DENND5B: variants seen among roughly 807,000 people sequenced by gnomAD.
The protein encoded by DENND5B is DENN domain containing 5B, also known as DENN domain-containing protein 5B.
DENND5B carries 34 observed loss-of-function variants against 140.6 expected under a neutral mutation model. That is an observed-to-expected ratio of 0.24 (90% CI 0.18 to 0.32). The LOEUF (loss-of-function observed/expected upper bound fraction) is 0.32, where lower values mean the gene tolerates loss of function less well. DENND5B is among the 10% of genes least tolerant of loss of function. The pLI is 1.00. For missense variants in DENND5B, 1,142 were observed against 1,560.2 expected, an observed-to-expected ratio of 0.73 and a Z score of 4.52; for synonymous variants, 551 against 562.1, an observed-to-expected ratio of 0.98 and a Z score of 0.28.
chr12:31,557,281 T>G (rs992202537), intron 1 of DENND5B, among the ~76,000 whole-genome samples: 1 of 152,224 alleles, frequency 6.6e-6, no homozygotes, highest in African/African-American at 2.4e-5. Flanking sequence ...ACAGTTGAGT[T>G]GCTGTTCATT....
intron 1 of DENND5B, among the ~76,000 whole-genome samples, chr12:31,584,158 G>A (rs1150961): frequency 0.078 from 11,859 of 152,134 alleles, 1,056 homozygotes; most frequent in African/African-American, 0.22. Flanking sequence ...GGAATTTTAG[G>A]ACAGTCTGTC....
At chr12:31,434,647 TA>T (rs1343124789) in intron 7 of DENND5B, among the ~76,000 whole-genome samples, 4 of 152,188 alleles carry the variant, frequency 2.6e-5, no homozygotes, top group Non-Finnish European at 5.9e-5. Flanking sequence ...CGATTATCCT[TA>T]ATCACTCCTT....
At chr12:31,498,972 C>CAAAAAAAA (rs369875785) in intron 1 of DENND5B, among the ~76,000 whole-genome samples, 1 of 100,486 alleles carries the variant, frequency 1.0e-5, no homozygotes, top group Non-Finnish European at 2.0e-5. Context: ...GGCTCCGTCT[C>CAAAAAAAA]AAAAAAAAAA....
intron 1 of DENND5B, among the ~76,000 whole-genome samples, chr12:31,520,181 A>AT (rs1209888290): frequency 2.0e-5 from 3 of 152,240 alleles, no homozygotes; most frequent in African/African-American, 7.2e-5. Flanking sequence ...AAGAGTTAAT[A>AT]AACACTATCC....
Position 31,479,656 on chromosome 12 carries a change from T to A in DENND5B, c.837A>T (p.Gly279=). 4.5e-6 allele frequency: 7 copies of A among 1,564,216 alleles called. No homozygotes were observed. The highest frequency in any genetic ancestry group is 6.1e-6 in the Non-Finnish European group (7 of 1,156,654). The change falls in exon 3 of 21, where the codon GGA becomes GGT. Residue 279 remains glycine, a synonymous_variant. Coordinates refer to ENST00000389082, the MANE Select transcript of DENND5B (RefSeq NM_144973.4). Reference sequence around the variant, plus strand: ...TAAACACCTGCACCAGGTTCTCTAATCCCAGGAGCTCAAATGCCTCCCGAA... The same window carrying A: ...TAAACACCTGCACCAGGTTCTCTAAACCCAGGAGCTCAAATGCCTCCCGAA... ...YPLREAFELL[G]LENLVQVFTC...
chr12:31,447,888 T>C, intron 5 of DENND5B, 119 bp from the exon 6 acceptor site: 1 of 765,222 alleles, frequency 1.3e-6, no homozygotes, highest in East Asian at 2.7e-5. Context: ...AAACTGACAC[T>C]TGAAATTCAA....
At chr12:31,527,362 G>A (rs1948120873) in intron 1 of DENND5B, among the ~76,000 whole-genome samples, 2 of 152,256 alleles carry the variant, frequency 1.3e-5, no homozygotes, top group African/African-American at 2.4e-5. Context: ...GCAATATAAT[G>A]AGTGAAGAGG....
Position 31,407,131 on chromosome 12 carries a change from T to TTA in DENND5B, c.2803+2131_2803+2132insTA, listed in dbSNP as rs1565548994. Among the ~76,000 whole-genome samples, 11 of 149,324 alleles carry TTA rather than the reference T, an allele frequency of 7.4e-5. No individual in the cohort carries two copies. In the East Asian group the frequency reaches 1.0e-3, roughly 14 times the overall value. Reference sequence around the variant, plus strand: ...ATTTAATTAAATTAATTAATTAATTTATTTATTTATTTATTTTGAGACGGA... The same window carrying TTA: ...ATTTAATTAAATTAATTAATTAATTTTAATTTATTTATTTATTTTGAGACGGA... On this transcript the variant is annotated intron_variant, in intron 14 of 20. Transcript: ENST00000389082.
chr12:31,590,689 C>T lies in DENND5B; in HGVS notation c.127+17G>A. ...CGCCCCTGAGGGGGCTCAGCGCCGC[C>T]GCAGCCCTGGCCTTACCCGCCAGCT... On this transcript the variant is annotated intron_variant, in intron 1 of 20. Transcript: ENST00000389082. The T allele has an allele frequency of 6.1e-6, 9 of 1,464,638 alleles. No individual in the cohort carries two copies. Among genetic ancestry groups the T allele is most frequent in the Non-Finnish European group, 7.2e-6 (8 of 1,113,140 alleles). The allele number at this position is 1,464,638 out of a possible 1,614,324, so 90.7% of individuals were successfully genotyped here. A position where few individuals can be genotyped will look rare whatever the true frequency, so the allele number is the denominator to read the frequency against.
chr12:31,543,714 A>G (rs1055752377), intron 1 of DENND5B, among the ~76,000 whole-genome samples: 1 of 152,230 alleles, frequency 6.6e-6, no homozygotes, highest in African/African-American at 2.4e-5. Flanking sequence ...GAAAACAGAA[A>G]GGGAATGTTT....
At chr12:31,471,377 T>C (rs986968140) in intron 3 of DENND5B, among the ~76,000 whole-genome samples, 1 of 152,070 alleles carries the variant, frequency 6.6e-6, no homozygotes, top group African/African-American at 2.4e-5. Flanking sequence ...TGCAGTGGCA[T>C]GATCTCAGCT....
intron 11 of DENND5B, among the ~76,000 whole-genome samples, chr12:31,417,585 G>C (rs745789911): frequency 6.6e-6 from 1 of 152,108 alleles, no homozygotes; most frequent in Non-Finnish European, 1.5e-5. Flanking sequence ...GGGATTACAG[G>C]TGCGTGCCAC....
chr12:31,493,014 A>G (rs1382507596), intron 2 of DENND5B, among the ~76,000 whole-genome samples: 1 of 152,260 alleles, frequency 6.6e-6, no homozygotes, highest in Non-Finnish European at 1.5e-5. Flanking sequence ...AAATAGCACC[A>G]TGCTATCCCC....
intron 11 of DENND5B, among the ~76,000 whole-genome samples, chr12:31,423,165 T>A (rs1943102712): frequency 6.6e-6 from 1 of 151,998 alleles, no homozygotes; most frequent in Non-Finnish European, 1.5e-5. Context: ...GGTCTCAAAC[T>A]CCTAACCTCA....
intron 9 of DENND5B, among the ~76,000 whole-genome samples, chr12:31,426,032 CGTTCAT>C (rs1257967033): frequency 2.0e-5 from 3 of 152,088 alleles, no homozygotes; most frequent in Non-Finnish European, 4.4e-5. Flanking sequence ...TTAAGACATC[CGTTCAT>C]GTTGGTGAGG....
Position 31,442,935 on chromosome 12 carries a change from A to C in DENND5B, c.1862-10T>G. ...TGCTCAATTGATTGGGCTATAAATTAAATTTATAATAAATTAGAGACATTT... is the reference window on the plus strand; with the variant it reads ...TGCTCAATTGATTGGGCTATAAATTCAATTTATAATAAATTAGAGACATTT... On this transcript the variant is annotated splice_polypyrimidine_tract_variant and intron_variant, in intron 6 of 20. Transcript: ENST00000389082. 1 of 1,547,116 alleles carries C rather than the reference A, an allele frequency of 6.5e-7. No individual in the cohort carries two copies. The highest frequency in any genetic ancestry group is 8.7e-7 in the Non-Finnish European group (1 of 1,145,044).
chr12:31,520,272 T>C (rs1947828647), intron 1 of DENND5B, among the ~76,000 whole-genome samples: 1 of 152,232 alleles, frequency 6.6e-6, no homozygotes, highest in Non-Finnish European at 1.5e-5. Context: ...AAGTTCTTAC[T>C]AATCAACTAT....
intron 11 of DENND5B, 103 bp downstream of exon 11, chr12:31,423,494 G>T: frequency 1.7e-6 from 2 of 1,205,486 alleles, no homozygotes; most frequent in Non-Finnish European, 2.4e-6. Flanking sequence ...TTGGCAAAAT[G>T]AGTAAATTTT....
intron 5 of DENND5B, among the ~76,000 whole-genome samples, chr12:31,449,534 G>C (rs1228588918): frequency 6.6e-6 from 1 of 152,076 alleles, no homozygotes; most frequent in Non-Finnish European, 1.5e-5. Flanking sequence ...ATGTCCTGCA[G>C]ATTTTCCTAG....
Sources: allele counts gnomAD v4.1 joint callset (sites outside exome capture counted in the v4.1 genomes callset), GRCh38; gene constraint gnomAD v4.1.1; transcripts MANE v1.5; gene names NCBI Gene and HGNC (gene_info 2026-07-23, HGNC 2026-07-21).